DLC1: variants seen among roughly 807,000 people sequenced by gnomAD.
DLC1 encodes DLC1 Rho GTPase activating protein.
In DLC1, 54 loss-of-function variants were observed where a neutral mutation model predicts 140.3. That is an observed-to-expected ratio of 0.38 (90% CI 0.31 to 0.48). The LOEUF (loss-of-function observed/expected upper bound fraction) is 0.48. Ranked by LOEUF, DLC1 falls within the 20% of genes least tolerant of loss-of-function variation. The pLI is 0.96. For synonymous variants in DLC1, 986 were observed against 728.1 expected, an observed-to-expected ratio of 1.35 and a Z score of -5.70; for missense variants, 2,536 against 1,907.0, an observed-to-expected ratio of 1.33 and a Z score of -6.14.
chr8:13,432,910 C>T (rs571245058), intron 2 of DLC1, among the ~76,000 whole-genome samples: 25 of 145,648 alleles, frequency 1.7e-4, no homozygotes, highest in African/African-American at 6.3e-4. Context: ...GGGAATTGTG[C>T]TGCTGTCCTG....
chr8:13,458,460 G>C (rs758485253), intron 2 of DLC1, among the ~76,000 whole-genome samples: 1 of 152,116 alleles, frequency 6.6e-6, no homozygotes, highest in African/African-American at 2.4e-5. Context: ...GATACAGTCA[G>C]CAAAATGTTC....
chr8:13,563,544 A>T (rs187832020), intron 1 of DLC1, among the ~76,000 whole-genome samples: 52 of 152,284 alleles, frequency 3.4e-4, no homozygotes, highest in Non-Finnish European at 5.0e-4. Context: ...GTCTCTTAGG[A>T]GAAGAGACTT....
intron 5 of DLC1, among the ~76,000 whole-genome samples, chr8:13,116,775 G>A (rs980736764): frequency 1.3e-5 from 2 of 152,042 alleles, no homozygotes; most frequent in Non-Finnish European, 2.9e-5. Flanking sequence ...AATGAACACA[G>A]GAAAGAGAAA....
intron 2 of DLC1, among the ~76,000 whole-genome samples, chr8:13,491,706 A>G (rs1801253044): frequency 6.6e-6 from 1 of 152,170 alleles, no homozygotes; most frequent in Non-Finnish European, 1.5e-5. Context: ...CAGATTTTAC[A>G]TGATTCCCTT....
chr8:13,404,540 A>C (rs1051327038), intron 2 of DLC1, among the ~76,000 whole-genome samples: 2 of 152,240 alleles, frequency 1.3e-5, no homozygotes, highest in African/African-American at 4.8e-5. Flanking sequence ...ACATAATAAC[A>C]TACTAAAATA....
chr8:13,440,852 C>T (rs991434042), intron 2 of DLC1, among the ~76,000 whole-genome samples: 8 of 152,140 alleles, frequency 5.3e-5, no homozygotes, highest in Admixed American at 2.0e-4. Context: ...TTGCTTCCCG[C>T]CGTGATTCTG....
At chr8:13,459,175 A>G (rs1365949973) in intron 2 of DLC1, among the ~76,000 whole-genome samples, 2 of 152,198 alleles carry the variant, frequency 1.3e-5, no homozygotes, top group African/African-American at 2.4e-5. Flanking sequence ...AGTTCTCTTG[A>G]AAGTTCCTTT....
chr8:13,293,285 A>C (rs1344818054), intron 5 of DLC1, among the ~76,000 whole-genome samples: 1 of 152,212 alleles, frequency 6.6e-6, no homozygotes, highest in South Asian at 2.1e-4. Flanking sequence ...GTTCAGGATA[A>C]ATTAAATGGT....
intron 5 of DLC1, among the ~76,000 whole-genome samples, chr8:13,269,199 C>T (rs1433234402): frequency 6.6e-6 from 1 of 152,096 alleles, no homozygotes; most frequent in Non-Finnish European, 1.5e-5. Context: ...AAAGCACATG[C>T]CTTGTCTTTG....
At position 13,322,777 on chromosome 8, in the gene DLC1, A is replaced by G. The variant is rs1047626681; in HGVS notation, c.1315-17475T>C. Among the ~76,000 whole-genome samples, 8 of 152,234 alleles carry G rather than the reference A, an allele frequency of 5.3e-5. 1 individual carries two copies. Among genetic ancestry groups the G allele is most frequent in the African/African-American group, 1.9e-4 (8 of 41,462 alleles). ...GATGGCAATTCTCATAGAGCTTGCTATGATGAGTTTTAAATGTGTCCACAA... is the reference window on the plus strand; with the variant it reads ...GATGGCAATTCTCATAGAGCTTGCTGTGATGAGTTTTAAATGTGTCCACAA... On this transcript the variant is annotated intron_variant, in intron 4 of 17. Transcript: ENST00000276297.
chr8:13,120,351 A>AT (rs1277236868), intron 5 of DLC1, among the ~76,000 whole-genome samples: 10 of 124,496 alleles, frequency 8.0e-5, no homozygotes, highest in African/African-American at 3.2e-4. Context: ...GCAAAAAAAA[A>AT]AAAAAATATA....
At chr8:13,133,501 C>G (rs1345175312) in intron 5 of DLC1, 82 of 167,818 alleles carry the variant, frequency 4.9e-4, no homozygotes, top group Middle Eastern at 2.9e-3. Context: ...CCGCCCCGCC[C>G]AGGCCCCGCC....
chr8:13,441,710 G>C (rs1308190076), intron 2 of DLC1, among the ~76,000 whole-genome samples: 2 of 152,168 alleles, frequency 1.3e-5, no homozygotes, highest in African/African-American at 2.4e-5. Context: ...AAATAAAAGA[G>C]GATACAAACA....
intron 5 of DLC1, among the ~76,000 whole-genome samples, chr8:13,231,229 A>T (rs1013445649): frequency 2.5e-4 from 38 of 152,218 alleles, no homozygotes; most frequent in East Asian, 1.2e-3. Context: ...GAAAAAAAAA[A>T]AATCAAGTGC....
At chr8:13,372,766 A>ATT (rs1337965349) in intron 4 of DLC1, among the ~76,000 whole-genome samples, 10 of 152,222 alleles carry the variant, frequency 6.6e-5, no homozygotes, top group Admixed American at 2.0e-4. Flanking sequence ...TTAGCACAAG[A>ATT]GTTTTATTTA....
chr8:13,452,793 C>A (rs577445641), intron 2 of DLC1, among the ~76,000 whole-genome samples: 1 of 152,148 alleles, frequency 6.6e-6, no homozygotes, highest in Non-Finnish European at 1.5e-5. Context: ...CAATCATACA[C>A]GCTTGGTCAT....
intron 5 of DLC1, among the ~76,000 whole-genome samples, chr8:13,272,878 C>G (rs1830998036): frequency 6.6e-6 from 1 of 151,964 alleles, no homozygotes. Flanking sequence ...CGTCTCAAAA[C>G]AAAAAACAAA....
intron 4 of DLC1, among the ~76,000 whole-genome samples, chr8:13,328,808 T>A (rs564825997): frequency 6.6e-6 from 1 of 152,232 alleles, no homozygotes; most frequent in South Asian, 2.1e-4. Context: ...AAAAGTGTGA[T>A]GTCACAGAAG....
At chr8:13,455,448 C>G (rs1010311239) in intron 2 of DLC1, among the ~76,000 whole-genome samples, 7 of 152,146 alleles carry the variant, frequency 4.6e-5, no homozygotes, top group Non-Finnish European at 7.3e-5. Flanking sequence ...CTTAACTCCT[C>G]CAGACTTCAT....
Sources: allele counts gnomAD v4.1 joint callset (sites outside exome capture counted in the v4.1 genomes callset), GRCh38; gene constraint gnomAD v4.1.1; transcripts MANE v1.5; gene names NCBI Gene and HGNC (gene_info 2026-07-23, HGNC 2026-07-21).